The following SCGB3A1 variants were observed in gnomAD, a reference collection of about 807,000 sequenced individuals.
SCGB3A1 encodes cytokine HIN-1.
Under a neutral mutation model 7.6 loss-of-function variants are expected in SCGB3A1, and 7 were observed. The ratio of observed to expected loss-of-function variants is 0.93; its 90% CI spans 0.53 to 1.74. The LOEUF is 1.74. Ranked by LOEUF, SCGB3A1 falls within the 40% of genes most tolerant of loss-of-function variation. SCGB3A1 has a pLI of 0.00. For missense variants in SCGB3A1, 119 were observed against 129.0 expected (o/e 0.92, Z 0.38); for synonymous variants, 67 against 66.6 (o/e 1.01, Z -0.03).
intron 2 of SCGB3A1, 107 bp from the exon 3 acceptor site, chr5:180,590,361 G>T (rs1761289262): frequency 3.5e-6 from 5 of 1,441,206 alleles, no homozygotes; most frequent in African/African-American, 1.4e-5. Flanking sequence ...GGGCGGTTCC[G>T]CTGGCGTCTC....
intron 1 of SCGB3A1, 51 bp from the exon 2 acceptor site, chr5:180,590,889 G>A (rs1293558547): frequency 2.1e-6 from 3 of 1,424,732 alleles, no homozygotes; most frequent in African/African-American, 1.4e-5. Context: ...GTCCCCAGAA[G>A]GCAGGTCCAG....
At position 180,590,203 on chromosome 5, in the gene SCGB3A1, C is replaced by G. The variant is rs990015157; in HGVS notation, c.*28G>C. On this transcript the variant is annotated 3_prime_UTR_variant, in exon 3 of 3. Transcript: ENST00000292641. ...CCCTCGCGGGTGGGCAGCGTCTTGT[C>G]CTCAGGTGTAGATGCTCCAGTCTCG... is the stretch of plus-strand genomic sequence containing the variant. 1.3e-6 allele frequency: 2 copies of G among 1,577,934 alleles called. No homozygotes were observed. The highest frequency in any genetic ancestry group is 2.7e-5 in the African/African-American group (2 of 74,670).
chr5:180,590,877 G>A (rs746036190), intron 1 of SCGB3A1, 39 bp from the exon 2 acceptor site: 14 of 1,524,506 alleles, frequency 9.2e-6, no homozygotes, highest in East Asian at 2.3e-5. Context: ...CTGCGCGCCG[G>A]GGTCCCCAGA....
chr5:180,590,805 A>G lies in SCGB3A1; in HGVS notation c.86T>C (p.Val29Ala), dbSNP rs1329433504. ...AAFLVGSAKP[V>A]AQPVAALESA... ...CTCCAGCGCAGCGACAGGCTGGGCC[A>G]CAGGCTTGGCCGAGCCCACTAAGAA... Residue 29 changes from valine to alanine, a missense_variant, in exon 2 of 3, where the codon GTG becomes GCG. Transcript: ENST00000292641. 7.5e-6 allele frequency: 12 copies of G among 1,602,828 alleles called. No individual in the cohort carries two copies. Among genetic ancestry groups the G allele is most frequent in the Non-Finnish European group, 1.0e-5 (12 of 1,175,228 alleles).
chr5:180,590,583 C>T lies in SCGB3A1; in HGVS notation c.291+17G>A, dbSNP rs754840655. ...GGGATGCCCGCGCAGGAAGGGCACC[C>T]GGGGTGCCCACTTTACCAGCAGGGC... On this transcript the variant is annotated intron_variant, in intron 2 of 2. Transcript: ENST00000292641. 2.6e-5 allele frequency: 42 copies of T among 1,590,116 alleles called. 1 individual carries two copies. In the South Asian group the frequency reaches 3.7e-4, roughly 14 times the overall value.
chr5:180,591,478 G>A lies in SCGB3A1; in HGVS notation c.-16C>T, dbSNP rs1236703760. ...CGAGCTTCATGGCGCGGGGGCTCGG[G>A]GCGCGCGGGGAACCTGCGGCTGCCC... is the stretch of plus-strand genomic sequence containing the variant. On this transcript the variant is annotated 5_prime_UTR_variant, in exon 1 of 3. Transcript: ENST00000292641. 14 of 1,228,266 alleles carry A rather than the reference G, an allele frequency of 1.1e-5. No individual in the cohort carries two copies. The East Asian group carries it at 4.1e-4, about 36-fold the overall frequency. 76.1% of individuals were successfully genotyped at this position (1,228,266 alleles called of 1,614,324 possible).
intron 1 of SCGB3A1, chr5:180,591,108 A>G: frequency 2.2e-6 from 1 of 454,230 alleles, no homozygotes. Context: ...GGTCCGGGAC[A>G]GGCCCCCAAG....
chr5:180,590,462 G>T (rs1473331150), intron 2 of SCGB3A1, 138 bp downstream of exon 2: 5 of 939,410 alleles, frequency 5.3e-6, no homozygotes, highest in Non-Finnish European at 7.9e-6. Context: ...GGAGACCCGG[G>T]CTTCTCCCAG....
Position 180,590,176 on chromosome 5 carries a change from A to C in SCGB3A1, c.*55T>G. 5.8e-6 allele frequency: 9 copies of C among 1,560,050 alleles called. No homozygotes were observed. Among genetic ancestry groups the C allele is most frequent in the Non-Finnish European group, 7.8e-6 (9 of 1,149,580 alleles). ...CGGTCCTCCCCGCGGCGGGGTTTTCAGCCCTCGCGGGTGGGCAGCGTCTTG... is the reference window on the plus strand; with the variant it reads ...CGGTCCTCCCCGCGGCGGGGTTTTCCGCCCTCGCGGGTGGGCAGCGTCTTG... On this transcript the variant is annotated 3_prime_UTR_variant, in exon 3 of 3. Transcript: ENST00000292641.
chr5:180,590,319 G>C (rs1462301956), intron 2 of SCGB3A1, 65 bp from the exon 3 acceptor site: 3 of 1,544,984 alleles, frequency 1.9e-6, no homozygotes, highest in African/African-American at 2.7e-5. Context: ...GCGGGGGCGC[G>C]GCAGCGGCCG....
chr5:180,590,154 TCCTCCCCGCGGCGGGGTTTTCAGC>T lies in SCGB3A1; in HGVS notation c.*53_*76del. The T allele has an allele frequency of 3.4e-6, 5 of 1,480,916 alleles. No homozygotes were observed. The highest frequency in any genetic ancestry group is 4.6e-6 in the Non-Finnish European group (5 of 1,080,304). The allele number at this position is 1,480,916 out of a possible 1,614,324, so 91.7% of individuals were successfully genotyped here. On this transcript the variant is annotated 3_prime_UTR_variant, in exon 3 of 3. Transcript: ENST00000292641. ...GGGGCCGGGGGAAGGGGATGGACGG[TCCTCCCCGCGGCGGGGTTTTCAGC>T]CCTCGCGGGTGGGCAGCGTCTTGTC...
chr5:180,591,188 C>T (rs1029895214), intron 1 of SCGB3A1: 9 of 404,650 alleles, frequency 2.2e-5, no homozygotes, highest in Admixed American at 1.8e-4. Flanking sequence ...GACGGGTGTC[C>T]CCAGGCCAGG....
chr5:180,590,509 T>C, intron 2 of SCGB3A1, 91 bp downstream of exon 2: 1 of 1,105,728 alleles, frequency 9.0e-7, no homozygotes, highest in Non-Finnish European at 1.3e-6. Flanking sequence ...GAAACAGCCC[T>C]GACGTAGGGC....
In SCGB3A1 at chr5:180,590,232, C is replaced by G. The variant is rs751132343; in HGVS notation, c.314G>C (p.Ter105SerextTer19). Reference sequence around the variant, plus strand: ...AGGTGTAGATGCTCCAGTCTCGGCTCAGCCAAACACTGTCAGGGCCCCCTG... The same window carrying G: ...AGGTGTAGATGCTCCAGTCTCGGCTGAGCCAAACACTGTCAGGGCCCCCTG... ...ALLGALTVFG[*>S] Residue 105 changes from the stop codon to serine, a stop_lost, in exon 3 of 3, where the codon TGA becomes TCA. Coordinates refer to ENST00000292641, the MANE Select transcript of SCGB3A1 (RefSeq NM_052863.3). The G allele has an allele frequency of 1.1e-5, 17 of 1,583,198 alleles. No individual in the cohort carries two copies. The Admixed American group carries it at 3.1e-4, about 29-fold the overall frequency.
rs368634887 is a variant in SCGB3A1 at position 180,590,227 on chromosome 5, C to T, written c.*4G>A. On this transcript the variant is annotated 3_prime_UTR_variant, in exon 3 of 3. Coordinates refer to ENST00000292641, the MANE Select transcript of SCGB3A1 (RefSeq NM_052863.3). Reference sequence around the variant, plus strand: ...TCCTCAGGTGTAGATGCTCCAGTCTCGGCTCAGCCAAACACTGTCAGGGCC... The same window carrying T: ...TCCTCAGGTGTAGATGCTCCAGTCTTGGCTCAGCCAAACACTGTCAGGGCC... The T allele has an allele frequency of 1.3e-6, 2 of 1,582,724 alleles. No homozygotes were observed. The highest frequency in any genetic ancestry group is 1.8e-5 in the Admixed American group (1 of 54,378).
At chr5:180,590,993 G>A (rs1020379034) in intron 1 of SCGB3A1, 155 bp from the exon 2 acceptor site, 2 of 581,224 alleles carry the variant, frequency 3.4e-6, no homozygotes, top group Admixed American at 7.4e-5. Context: ...CCAGGTGCGA[G>A]CCCCCGGGAC....
intron 2 of SCGB3A1, 32 bp from the exon 3 acceptor site, chr5:180,590,286 C>A: frequency 1.3e-6 from 2 of 1,567,292 alleles, no homozygotes; most frequent in East Asian, 2.3e-5. Flanking sequence ...TGAGTGCCCC[C>A]AGCCCTGCCA....
intron 2 of SCGB3A1, 135 bp from the exon 3 acceptor site, chr5:180,590,389 C>T (rs1339212726): frequency 4.9e-6 from 6 of 1,231,882 alleles, no homozygotes; most frequent in Non-Finnish European, 6.8e-6. Flanking sequence ...CGCGCACCCG[C>T]GCGGGGCCAT....
At chr5:180,591,214 G>T in intron 1 of SCGB3A1, 197 bp downstream of exon 1, 1 of 414,884 alleles carries the variant, frequency 2.4e-6, no homozygotes, top group Non-Finnish European at 4.1e-6. Flanking sequence ...CCTCCATCCC[G>T]GCACGAGGCT....
Sources: gnomAD v4.1 joint callset for allele counts on GRCh38, gnomAD v4.1.1 for gene constraint, MANE v1.5 for transcripts, NCBI Gene and HGNC (gene_info 2026-07-23, HGNC 2026-07-21) for gene names.